P2RY8: variants seen among roughly 807,000 people sequenced by gnomAD.
P2RY8 encodes P2Y receptor family member 8, also known as S-geranylgeranyl-glutathione receptor P2RY8.
Under a neutral mutation model 10.0 loss-of-function variants are expected in P2RY8, and 6 were observed. The ratio of observed to expected loss-of-function variants is 0.60; its 90% CI spans 0.33 to 1.19. P2RY8 has a LOEUF of 1.19. P2RY8 is among the 50% of genes most tolerant of loss of function. The pLI, the probability that P2RY8 is intolerant of heterozygous loss-of-function variation, is 0.04. For synonymous variants in P2RY8, 276 were observed against 252.5 expected, an observed-to-expected ratio of 1.09 and a Z score of -0.88; for missense variants, 456 against 542.0, an observed-to-expected ratio of 0.84 and a Z score of 1.58.
chrX:1,529,106 C>T (rs1569538834), intron 1 of P2RY8, among the ~76,000 whole-genome samples: 1 of 152,156 alleles, frequency 6.6e-6, no homozygotes, highest in African/African-American at 2.4e-5. Context: ...GTACACACAG[C>T]GGGGCCCTTG....
At position 1,490,399 on chromosome X, in the gene P2RY8, A is replaced by G. The variant is rs2092033168; in HGVS notation, c.-24-23817T>C. The stretch of plus-strand genomic sequence containing the variant: ...TTCCCTGCAAATGTGGAGGGAATGA[A>G]TGAATGATACCCCAGATTCAGTTCT... On this transcript the variant is annotated intron_variant, in intron 1 of 1. Transcript: ENST00000381297. 2.7e-5 allele frequency among the ~76,000 whole-genome samples: 4 copies of G among 150,694 alleles called. No homozygotes were observed. The South Asian group carries it at 8.4e-4, about 32-fold the overall frequency.
At chrX:1,478,411 G>A (rs1449545738) in intron 1 of P2RY8, among the ~76,000 whole-genome samples, 1 of 152,110 alleles carries the variant, frequency 6.6e-6, no homozygotes, top group Non-Finnish European at 1.5e-5. Flanking sequence ...CCTTTTGGGA[G>A]GGAGGAAGTA....
intron 1 of P2RY8, among the ~76,000 whole-genome samples, chrX:1,508,936 T>C (rs2092262113): frequency 6.6e-6 from 1 of 150,720 alleles, no homozygotes; most frequent in Non-Finnish European, 1.5e-5. Context: ...CTATCATGTA[T>C]CTATTATCTA....
chrX:1,500,122 T>C (rs1189296301), intron 1 of P2RY8, among the ~76,000 whole-genome samples: 1 of 151,368 alleles, frequency 6.6e-6, no homozygotes, highest in East Asian at 1.9e-4. Context: ...CCTCCCAAAG[T>C]GCTGGGATGA....
chrX:1,489,214 AT>A (rs2092017221), intron 1 of P2RY8, among the ~76,000 whole-genome samples: 1 of 151,922 alleles, frequency 6.6e-6, no homozygotes, highest in Non-Finnish European at 1.5e-5. Context: ...TGTAGAGAGA[AT>A]GAATAAATGA....
chrX:1,518,883 A>T, intron 1 of P2RY8, among the ~76,000 whole-genome samples: 1 of 152,104 alleles, frequency 6.6e-6, no homozygotes, highest in East Asian at 1.9e-4. Flanking sequence ...CCAATATTTT[A>T]TCTGGTCTGC....
intron 1 of P2RY8, among the ~76,000 whole-genome samples, chrX:1,509,314 T>G (rs2092272041): frequency 8.0e-6 from 1 of 125,448 alleles, no homozygotes; most frequent in African/African-American, 2.6e-5. Flanking sequence ...TTCATCCATC[T>G]ATCTATCCTG....
intron 1 of P2RY8, among the ~76,000 whole-genome samples, chrX:1,491,242 G>A (rs190452648): frequency 1.8e-4 from 27 of 151,972 alleles, no homozygotes; most frequent in African/African-American, 6.3e-4. Context: ...ATGAATGAAT[G>A]ATACCCCAGA....
At chrX:1,524,741 G>GCATCCATC (rs752476090) in intron 1 of P2RY8, among the ~76,000 whole-genome samples, 1 of 61,226 alleles carries the variant, frequency 1.6e-5, no homozygotes, top group African/African-American at 6.6e-5. Flanking sequence ...ATACATCCAT[G>GCATCCATC]CATCCATCCA....
intron 1 of P2RY8, among the ~76,000 whole-genome samples, chrX:1,487,394 G>A (rs2091996455): frequency 1.3e-5 from 2 of 150,634 alleles, no homozygotes; most frequent in Non-Finnish European, 3.0e-5. Context: ...ACCCGTCCTA[G>A]GAAGACGCGC....
chrX:1,472,011 T>C (rs2091793665), intron 1 of P2RY8, among the ~76,000 whole-genome samples: 1 of 152,060 alleles, frequency 6.6e-6, no homozygotes, highest in Non-Finnish European at 1.5e-5. Context: ...TAGGGCTGCC[T>C]CAGGAGGCCC....
intron 1 of P2RY8, among the ~76,000 whole-genome samples, chrX:1,474,625 T>A (rs1228164922): frequency 2.7e-5 from 4 of 147,456 alleles, no homozygotes; most frequent in African/African-American, 1.0e-4. Context: ...GGTGGGTGGA[T>A]GGATGGATCA....
At position 1,509,079 on chromosome X, in the gene P2RY8, GTATC is replaced by G. The variant is rs1260886300; in HGVS notation, c.-25+27838_-25+27841del. 4.7e-3 allele frequency among the ~76,000 whole-genome samples: 613 copies of G among 130,654 alleles called. 1 individual carries two copies. Among genetic ancestry groups the G allele is most frequent in the South Asian group, 8.6e-3 (33 of 3,834 alleles). 85.7% of individuals were successfully genotyped at this position (130,654 alleles called of 152,430 possible). The stretch of plus-strand genomic sequence containing the variant: ...TGCATCTATCTATGTATCTATCTAT[GTATC>G]TATCTATGTATCTATGTATCTATCT... On this transcript the variant is annotated intron_variant, in intron 1 of 1. Transcript: ENST00000381297.
intron 1 of P2RY8, among the ~76,000 whole-genome samples, chrX:1,515,674 T>C (rs2092341325): frequency 6.6e-6 from 1 of 151,786 alleles, no homozygotes; most frequent in African/African-American, 2.4e-5. Flanking sequence ...CCCAGCCATT[T>C]AGGATATTTT....
chrX:1,515,943 G>A (rs1206991639), intron 1 of P2RY8, among the ~76,000 whole-genome samples: 1 of 62,956 alleles, frequency 1.6e-5, no homozygotes, highest in African/African-American at 3.4e-5. Context: ...GGAGGCCGAG[G>A]GGTCGGGGGG....
At chrX:1,523,281 A>G (rs1170479133) in intron 1 of P2RY8, among the ~76,000 whole-genome samples, 2 of 151,706 alleles carry the variant, frequency 1.3e-5, no homozygotes, top group African/African-American at 4.8e-5. Flanking sequence ...CAAAATGGGG[A>G]TGTCAGCAGA....
intron 1 of P2RY8, among the ~76,000 whole-genome samples, chrX:1,479,726 C>A (rs1182600673): frequency 6.6e-5 from 10 of 152,034 alleles, no homozygotes; most frequent in African/African-American, 1.9e-4. Context: ...AAATAACAAT[C>A]AATGAGAGTA....
intron 1 of P2RY8, among the ~76,000 whole-genome samples, chrX:1,489,651 G>A (rs183883993): frequency 6.6e-6 from 1 of 150,852 alleles, no homozygotes; most frequent in African/African-American, 2.4e-5. Flanking sequence ...AAATGTGGAG[G>A]GAACGAATGA....
intron 1 of P2RY8, among the ~76,000 whole-genome samples, chrX:1,473,389 ATGGGTGGG>A (rs2091822156): frequency 5.6e-5 from 3 of 53,818 alleles, no homozygotes; most frequent in African/African-American, 2.5e-4. Context: ...GGGTGGGTGG[ATGGGTGGG>A]TGGATGGATC....
Sources: gnomAD v4.1 joint callset for allele counts (sites outside exome capture counted in the v4.1 genomes callset) on GRCh38, gnomAD v4.1.1 for gene constraint, MANE v1.5 for transcripts, NCBI Gene and HGNC (gene_info 2026-07-23, HGNC 2026-07-21) for gene names.